KRI1: variants seen among roughly 807,000 people sequenced by gnomAD.
The protein encoded by KRI1 is protein KRI1 homolog.
KRI1 carries 83 observed loss-of-function variants against 97.0 expected under a neutral mutation model. The observed-to-expected ratio is 0.86, with a 90% CI of 0.72 to 1.03. KRI1 has a LOEUF of 1.03. Among genes scored for constraint, KRI1 ranks in the 50% least tolerant of loss-of-function variants. KRI1 has a pLI of 0.00. For missense variants in KRI1, 916 were observed against 928.4 expected (o/e 0.99, Z 0.17); for synonymous variants, 371 against 363.5 (o/e 1.02, Z -0.23).
chr19:10,554,271 G>C lies in KRI1; in HGVS notation c.1792C>G (p.Pro598Ala). The change falls in exon 19 of 19, where the codon CCT (proline) becomes GCT (alanine). Residue 598 changes from proline (P) to alanine (A), a missense_variant. Around this residue, in one of 3 missense-constraint regions of KRI1, gnomAD observed 672 missense variants for 667.2 expected, o/e 1.01. Coordinates refer to ENST00000312962, the MANE Select transcript of KRI1 (RefSeq NM_023008.5). ...KSLCREEAET[P>A]AEATGKPQRD... ...TGTGGCTTCCCTGTGGCTTCCGCAG[G>C]TGTCTCTGCCCTGAGGGAGAAAAGT... The C allele has an allele frequency of 6.2e-7, 1 of 1,613,738 alleles. No homozygotes were observed. Among genetic ancestry groups the C allele is most frequent in the Non-Finnish European group, 8.5e-7 (1 of 1,179,988 alleles).
intron 3 of KRI1, among the ~76,000 whole-genome samples, chr19:10,564,240 C>G (rs1035886781): frequency 5.3e-5 from 8 of 151,230 alleles, no homozygotes; most frequent in Non-Finnish European, 1.0e-4. Flanking sequence ...GTGGGCGGAT[C>G]ACCTGAAGTT....
intron 17 of KRI1, 22 bp from the exon 18 acceptor site, chr19:10,555,207 T>C: frequency 3.6e-5 from 24 of 665,074 alleles, no homozygotes; most frequent in Non-Finnish European, 4.9e-5. Context: ...TGCCCCTGTG[T>C]TGGGTGCTCT....
chr19:10,560,064 G>A (rs1916645881), intron 9 of KRI1, 128 bp from the exon 10 acceptor site: 3 of 1,268,514 alleles, frequency 2.4e-6, no homozygotes, highest in Admixed American at 2.7e-5. Context: ...GGTGCACGCT[G>A]CTATTGTCCT....
At position 10,559,798 on chromosome 19, in the gene KRI1, C is replaced by T. The variant is rs779522318; in HGVS notation, c.927+12G>A. The T allele has an allele frequency of 6.2e-7, 1 of 1,613,734 alleles. No individual in the cohort carries two copies. Among genetic ancestry groups the T allele is most frequent in the South Asian group, 1.1e-5 (1 of 91,082 alleles). ...CCTGGGGGCTGAGTCCTCCCCAGCC[C>T]CAGCCACACACCGATGCTGAGTCCG... is the stretch of plus-strand genomic sequence containing the variant. On this transcript the variant is annotated intron_variant, in intron 10 of 18. Transcript: ENST00000312962.
chr19:10,559,267 A>T, intron 12 of KRI1, 92 bp downstream of exon 12: 1 of 1,413,894 alleles, frequency 7.1e-7, no homozygotes, highest in Non-Finnish European at 9.7e-7. Context: ...AGCCTCCCAA[A>T]GTGCTGGGAT....
Position 10,560,446 on chromosome 19 carries a change from C to T in KRI1, c.666G>A (p.Thr222=), listed in dbSNP as rs776247947. 40 of 1,605,730 alleles carry T rather than the reference C, an allele frequency of 2.5e-5. No individual in the cohort carries two copies. Among genetic ancestry groups the T allele is most frequent in the Non-Finnish European group, 3.2e-5 (38 of 1,175,454 alleles). The change falls in exon 9 of 19, where the codon ACG becomes ACA. Residue 222 remains threonine (T), a splice_region_variant and synonymous_variant. Transcript: ENST00000312962. Reference sequence around the variant, plus strand: ...GGTCGTTCCAGTATTCCTTGAGATGCGTCTGGGGGTGACAGGAGACAGGAC... The same window carrying T: ...GGTCGTTCCAGTATTCCTTGAGATGTGTCTGGGGGTGACAGGAGACAGGAC... The part of the protein sequence containing the change: ...IRNPDSLKEL[T]HLKEYWNDPE...
At position 10,554,568 on chromosome 19, in the gene KRI1, C is replaced by G. The variant is rs533181076; in HGVS notation, c.1782-287G>C. Among the ~76,000 whole-genome samples the G allele has an allele frequency of 3.3e-5, 5 of 152,210 alleles. No individual in the cohort carries two copies. The East Asian group carries it at 9.7e-4, about 30-fold the overall frequency. On this transcript the variant is annotated intron_variant, in intron 18 of 18. Transcript: ENST00000312962. ...TTTTAGCCTTTTTCTTCCTTAGAGA[C>G]AAGGTCTTGCTGTGTCGCCCAGGCT...
At chr19:10,558,991 C>G (rs1325917675) in intron 12 of KRI1, among the ~76,000 whole-genome samples, 1 of 149,436 alleles carries the variant, frequency 6.7e-6, no homozygotes, top group Non-Finnish European at 1.5e-5. Flanking sequence ...AGGTGTGAGC[C>G]ACTGCACCCG....
Position 10,554,218 on chromosome 19 carries a change from C to T in KRI1, c.1845G>A (p.Gln615=). The T allele has an allele frequency of 6.8e-6, 11 of 1,614,080 alleles. No homozygotes were observed. The highest frequency in any genetic ancestry group is 9.3e-6 in the Non-Finnish European group (11 of 1,180,028). The change falls in exon 19 of 19, where the codon CAG becomes CAA. Residue 615 remains glutamine (Q), a synonymous_variant. Coordinates refer to ENST00000312962, the MANE Select transcript of KRI1 (RefSeq NM_023008.5). ...TCAAGCTGCCATCAAGGGCTGGCAGCTGCCTCTGTGGGCCGGCTTCATCTC... is the reference window on the plus strand; with the variant it reads ...TCAAGCTGCCATCAAGGGCTGGCAGTTGCCTCTGTGGGCCGGCTTCATCTC... ...PQRDEAGPQR[Q]LPALDGSLMG... is the part of the protein sequence containing the mutation.
At position 10,554,070 on chromosome 19, in the gene KRI1, C is replaced by T; in HGVS notation, c.1993G>A (p.Gly665Ser). ...ARLLGPTVML[G>S]GCEFSRQRLQ... ...CTCTGGCGGCTGAACTCGCATCCAC[C>T]AAGCATCACAGTGGGGCCCAGCAGC... Residue 665 changes from glycine (G) to serine (S), a missense_variant, in exon 19 of 19, where the codon GGT becomes AGT. This residue lies in a region of KRI1 where 672 missense variants were observed against 667.2 expected (regional missense o/e 1.01). Transcript: ENST00000312962. 1 of 1,614,206 alleles carries T rather than the reference C, an allele frequency of 6.2e-7. No individual in the cohort carries two copies. Among genetic ancestry groups the T allele is most frequent in the South Asian group, 1.1e-5 (1 of 91,084 alleles).
chr19:10,562,900 T>TC, intron 3 of KRI1, 63 bp from the exon 4 acceptor site: 1 of 1,026,968 alleles, frequency 9.7e-7, no homozygotes, highest in Non-Finnish European at 1.5e-6. Flanking sequence ...TGGCAGAGAA[T>TC]CCCACAGGGC....
chr19:10,557,977 A>AG lies in KRI1; in HGVS notation c.1353dup (p.Phe452LeufsTer43). ...CCTCAACCCGTGATACCTACGTTGA[A>AG]GTTGGGGTCCTCACAGTGCAGCTCC... On this transcript the variant is annotated frameshift_variant, in exon 14 of 19. Coordinates refer to ENST00000312962, the MANE Select transcript of KRI1 (RefSeq NM_023008.5). LOFTEE classifies it high-confidence loss of function. 6.2e-7 allele frequency: 1 copy of AG among 1,614,076 alleles called. No homozygotes were observed. Among genetic ancestry groups the AG allele is most frequent in the Non-Finnish European group, 8.5e-7 (1 of 1,180,008 alleles).
chr19:10,555,492 TAC>T, intron 16 of KRI1, 143 bp from the exon 17 acceptor site: 2 of 814,410 alleles, frequency 2.5e-6, no homozygotes, highest in South Asian at 1.5e-5. Flanking sequence ...AGCTGATCTC[TAC>T]AGAGGCCAAT....
chr19:10,564,321 G>A (rs896725600), intron 3 of KRI1, among the ~76,000 whole-genome samples: 7 of 152,000 alleles, frequency 4.6e-5, no homozygotes, highest in African/African-American at 1.2e-4. Context: ...TTAGCTGGGC[G>A]TGGTGGCGCG....
Position 10,560,436 on chromosome 19 carries a change from C to T in KRI1, c.676G>A (p.Glu226Lys). ...DSLKELTHLK[E>K]YWNDPELDEG... ...TCCAACTCAGGGTCGTTCCAGTATT[C>T]CTTGAGATGCGTCTGGGGGTGACAG... is the stretch of plus-strand genomic sequence containing the variant. Residue 226 changes from glutamate (E) to lysine (K), a missense_variant, in exon 9 of 19, where the codon GAA becomes AAA. Physicochemically the swap from Glu to Lys is moderately conservative, Grantham distance 56. Around this residue, in one of 3 missense-constraint regions of KRI1, gnomAD observed 672 missense variants for 667.2 expected, o/e 1.01. Coordinates refer to ENST00000312962, the MANE Select transcript of KRI1 (RefSeq NM_023008.5). 1 of 1,611,950 alleles carries T rather than the reference C, an allele frequency of 6.2e-7. No homozygotes were observed. Among genetic ancestry groups the T allele is most frequent in the Admixed American group, 1.7e-5 (1 of 59,734 alleles).
chr19:10,565,285 G>A (rs1014077679), intron 2 of KRI1: 1 of 566,158 alleles, frequency 1.8e-6, no homozygotes, highest in Non-Finnish European at 3.1e-6. Flanking sequence ...GGAAGACAAA[G>A]ACTTGACAAG....
intron 16 of KRI1, 110 bp downstream of exon 16, chr19:10,557,442 C>A: frequency 8.3e-7 from 1 of 1,204,792 alleles, no homozygotes; most frequent in African/African-American, 1.5e-5. Flanking sequence ...AAACAGCCTG[C>A]CATGTTGTGG....
chr19:10,559,600 C>T lies in KRI1; in HGVS notation c.1023+13G>A. 1 of 1,613,806 alleles carries T rather than the reference C, an allele frequency of 6.2e-7. No homozygotes were observed. The highest frequency in any genetic ancestry group is 2.2e-5 in the East Asian group (1 of 44,880). On this transcript the variant is annotated intron_variant, in intron 11 of 18. Coordinates refer to ENST00000312962, the MANE Select transcript of KRI1 (RefSeq NM_023008.5). The stretch of plus-strand genomic sequence containing the variant: ...GGCTGGGGGGTCCTCCCCAGCTCAC[C>T]CCCCACACTCACCCTCTTCTTTCGC...
chr19:10,565,696 G>A (rs966953747), intron 2 of KRI1, 21 bp downstream of exon 2: 30 of 1,558,104 alleles, frequency 1.9e-5, no homozygotes, highest in Non-Finnish European at 2.3e-5. Flanking sequence ...CGCACGTCCA[G>A]GACGGGGCGG....
Sources: allele counts gnomAD v4.1 joint callset (sites outside exome capture counted in the v4.1 genomes callset), GRCh38; gene constraint gnomAD v4.1.1; regional missense constraint gnomAD v4.1.1; transcripts MANE v1.5; gene names NCBI Gene and HGNC (gene_info 2026-07-23, HGNC 2026-07-21).